Variants in ASIC2 observed in about 807,000 individuals in gnomAD.
The protein encoded by ASIC2 is acid-sensing ion channel 2.
A neutral mutation model predicts 57.3 loss-of-function variants in ASIC2; 25 were observed. The ratio of observed to expected loss-of-function variants is 0.44; its 90% CI spans 0.32 to 0.61. The LOEUF is 0.61. Ranked by LOEUF, ASIC2 falls within the 20% of genes least tolerant of loss-of-function variation. The pLI, the probability that ASIC2 is intolerant of heterozygous loss-of-function variation, is 0.06. For synonymous variants in ASIC2, 319 were observed against 307.5 expected (o/e 1.04, Z -0.39); for missense variants, 641 against 738.1 (o/e 0.87, Z 1.52).
chr17:33,439,757 G>C (rs1248844291), intron 1 of ASIC2, among the ~76,000 whole-genome samples: 1 of 152,190 alleles, frequency 6.6e-6, no homozygotes, highest in Non-Finnish European at 1.5e-5. Context: ...ATCTTCGGGA[G>C]GGGATTCTAC....
intron 1 of ASIC2, among the ~76,000 whole-genome samples, chr17:33,205,825 C>T (rs1217651842): frequency 2.6e-5 from 4 of 152,328 alleles, no homozygotes; most frequent in Middle Eastern, 3.4e-3. Context: ...CATACGGTTC[C>T]CATGCTGGTG....
intron 1 of ASIC2, among the ~76,000 whole-genome samples, chr17:33,959,266 T>C (rs1402254652): frequency 1.3e-5 from 2 of 152,212 alleles, no homozygotes; most frequent in East Asian, 1.9e-4. Flanking sequence ...TGTTACTCAG[T>C]TCCAAAGTTG....
At chr17:33,493,145 C>A (rs1331441268) in intron 1 of ASIC2, among the ~76,000 whole-genome samples, 1 of 152,142 alleles carries the variant, frequency 6.6e-6, no homozygotes, top group Non-Finnish European at 1.5e-5. Flanking sequence ...TCACTGGGCC[C>A]AGCAAACAAA....
At chr17:33,863,298 G>A (rs441618) in intron 1 of ASIC2, among the ~76,000 whole-genome samples, 61,445 of 152,112 alleles carry the variant, frequency 0.4, 13,789 homozygotes, top group East Asian at 0.68. Context: ...TAGCTCAGCC[G>A]CAGTTCACAT....
rs371996662 is a variant in ASIC2, at chr17:33,935,270, G to A, written c.555+220708C>T. ...TCACCTTTTCTGTATAACCTCCCTC[G>A]GACAGTCAGTTGCTCTTACTGAGAA... On this transcript the variant is annotated intron_variant, in intron 1 of 9. Coordinates refer to the ASIC2 transcript ENST00000359872. Among the ~76,000 whole-genome samples, 86 of 152,184 alleles carry A rather than the reference G, an allele frequency of 5.7e-4. 2 individuals carry two copies. The South Asian group carries it at 0.017, about 30-fold the overall frequency.
At chr17:33,079,340 T>C (rs2092102621) in intron 3 of ASIC2, among the ~76,000 whole-genome samples, 1 of 152,086 alleles carries the variant, frequency 6.6e-6, no homozygotes, top group Admixed American at 6.6e-5. Flanking sequence ...GAAGGACACA[T>C]ACAAGTGAGG....
intron 1 of ASIC2, among the ~76,000 whole-genome samples, chr17:33,168,310 C>T (rs1160344976): frequency 2.0e-5 from 3 of 152,064 alleles, no homozygotes; most frequent in Admixed American, 6.6e-5. Flanking sequence ...AAAATATGGA[C>T]GTGGCTTTGG....
intron 1 of ASIC2, among the ~76,000 whole-genome samples, chr17:33,589,076 C>T (rs9896099): frequency 0.12 from 18,279 of 152,176 alleles, 1,562 homozygotes; most frequent in East Asian, 0.3. Context: ...AAGCATGCCA[C>T]GTATATCAGA....
intron 1 of ASIC2, among the ~76,000 whole-genome samples, chr17:33,858,201 G>T (rs899522111): frequency 6.6e-6 from 1 of 152,210 alleles, no homozygotes; most frequent in Non-Finnish European, 1.5e-5. Context: ...CTACCCAGAG[G>T]TAGGCACTGG....
At chr17:34,139,525 G>A (rs1215570169) in intron 1 of ASIC2, among the ~76,000 whole-genome samples, 2 of 152,142 alleles carry the variant, frequency 1.3e-5, no homozygotes, top group Admixed American at 6.5e-5. Context: ...GGTATACGAT[G>A]AATGCGTAAA....
At chr17:34,022,972 C>T (rs1189012636) in intron 1 of ASIC2, among the ~76,000 whole-genome samples, 2 of 152,082 alleles carry the variant, frequency 1.3e-5, no homozygotes, top group African/African-American at 4.8e-5. Context: ...GTGGCACCTC[C>T]CCTTTCTCTC....
At chr17:33,796,473 G>T (rs1051727442) in intron 1 of ASIC2, among the ~76,000 whole-genome samples, 1 of 152,106 alleles carries the variant, frequency 6.6e-6, no homozygotes, top group African/African-American at 2.4e-5. Context: ...CTCAAAGCTA[G>T]TTATTATTAG....
intron 1 of ASIC2, among the ~76,000 whole-genome samples, chr17:34,088,402 G>A (rs2142085216): frequency 6.6e-6 from 1 of 152,314 alleles, no homozygotes; most frequent in Non-Finnish European, 1.5e-5. Flanking sequence ...TCCTCTGGAA[G>A]TTTTGTCTCA....
intron 8 of ASIC2, among the ~76,000 whole-genome samples, 166 bp downstream of exon 8, chr17:33,017,439 C>A (rs1321978688): frequency 6.6e-6 from 1 of 152,174 alleles, no homozygotes; most frequent in African/African-American, 2.4e-5. Context: ...CATCCCCTTG[C>A]CCCACAGAGC....
intron 1 of ASIC2, among the ~76,000 whole-genome samples, chr17:33,125,367 T>TAC (rs1463339774): frequency 6.6e-6 from 1 of 152,228 alleles, no homozygotes; most frequent in African/African-American, 2.4e-5. Context: ...TTATTCAGTA[T>TAC]CCTCATGCCT....
intron 1 of ASIC2, among the ~76,000 whole-genome samples, chr17:33,789,046 G>T (rs909578076): frequency 2.6e-5 from 4 of 152,220 alleles, no homozygotes; most frequent in Middle Eastern, 3.4e-3. Flanking sequence ...AAGAAAAAAA[G>T]TGTGTAACAC....
At chr17:34,091,918 G>A (rs1910347319) in intron 1 of ASIC2, among the ~76,000 whole-genome samples, 1 of 152,182 alleles carries the variant, frequency 6.6e-6, no homozygotes, top group African/African-American at 2.4e-5. Flanking sequence ...TTCCTCATCT[G>A]TAGAGACTAC....
chr17:33,332,052 G>A (rs12940150), intron 1 of ASIC2, among the ~76,000 whole-genome samples: 29,297 of 152,158 alleles, frequency 0.19, 2,989 homozygotes, highest in East Asian at 0.37. Context: ...GATTTTAGCA[G>A]TGAAGGCTAA....
At chr17:33,592,349 G>A (rs1297786045) in intron 1 of ASIC2, among the ~76,000 whole-genome samples, 4 of 152,224 alleles carry the variant, frequency 2.6e-5, no homozygotes, top group African/African-American at 9.7e-5. Context: ...ACTAGCTGCC[G>A]GAGCCTTCTC....
Sources: allele counts gnomAD v4.1 joint callset (sites outside exome capture counted in the v4.1 genomes callset), GRCh38; gene constraint gnomAD v4.1.1; transcripts MANE v1.5; gene names NCBI Gene and HGNC (gene_info 2026-07-23, HGNC 2026-07-21).